The following ARID1B variants were observed in gnomAD, a reference collection of about 807,000 sequenced individuals.
ARID1B encodes the protein AT-rich interaction domain 1B.
ARID1B carries 30 observed loss-of-function variants against 212.3 expected under a neutral mutation model. The ratio of observed to expected loss-of-function variants is 0.14; its 90% CI spans 0.11 to 0.19. ARID1B has a LOEUF of 0.19. ARID1B is among the 10% of genes least tolerant of loss of function. The probability of loss-of-function intolerance (pLI) is 1.00; values close to 1 mark genes in which losing one functional copy is unlikely to be tolerated. For synonymous variants in ARID1B, 1,402 were observed against 1,301.7 expected (o/e 1.08, Z -1.66); for missense variants, 2,891 against 3,204.0 (o/e 0.90, Z 2.36).
intron 5 of ARID1B, among the ~76,000 whole-genome samples, chr6:157,086,430 G>A (rs752960204): frequency 6.6e-6 from 1 of 152,146 alleles, no homozygotes; most frequent in Non-Finnish European, 1.5e-5. Context: ...TGTTGAGATG[G>A]TTTGTGAGAT....
Position 156,778,066 on chromosome 6 carries a change from C to A in ARID1B, c.386C>A (p.Ala129Glu). 1 of 1,538,758 alleles carries A rather than the reference C, an allele frequency of 6.5e-7. No individual in the cohort carries two copies. Reference protein sequence around the residue: ...SSSSSSAAAAAASSSSSSGPG... With the variant: ...SSSSSSAAAAEASSSSSSGPG... ...TCCTCCTCCTCCGCGGCGGCAGCGGCGGCATCCTCTTCCTCCTCGTCGGGC... is the reference window on the plus strand; with the variant it reads ...TCCTCCTCCTCCGCGGCGGCAGCGGAGGCATCCTCTTCCTCCTCGTCGGGC... The change falls in exon 1 of 20, where the codon GCG (alanine) becomes GAG (glutamate). Residue 129 changes from alanine to glutamate, a missense_variant. Ala to Glu is a moderately radical substitution (Grantham distance 107). Coordinates refer to ENST00000636930, the MANE Select transcript of ARID1B (RefSeq NM_001374828.1).
chr6:156,982,028 T>C (rs56705279), intron 4 of ARID1B, among the ~76,000 whole-genome samples: 5,626 of 148,906 alleles, frequency 0.038, 337 homozygotes, highest in African/African-American at 0.13. Context: ...GGATGTCTCT[T>C]TTTTTTTTTT....
intron 5 of ARID1B, among the ~76,000 whole-genome samples, chr6:157,085,723 G>A (rs1197926232): frequency 1.3e-5 from 2 of 151,274 alleles, no homozygotes; most frequent in African/African-American, 4.9e-5. Context: ...AAAGTGTATT[G>A]TGGAATGTTT....
Position 157,090,711 on chromosome 6 carries a change from C to T in ARID1B, c.2491+5806C>T, listed in dbSNP as rs1004310413. Among the ~76,000 whole-genome samples, 3 of 152,262 alleles carry T rather than the reference C, an allele frequency of 2.0e-5. No individual in the cohort carries two copies. In the East Asian group the frequency reaches 5.8e-4, roughly 29 times the overall value. The stretch of plus-strand genomic sequence containing the variant: ...GCTGTTTGAGGCGCTCACCTGCCAC[C>T]TGGCCTCTCGGCAGACTACCTGCTG... On this transcript the variant is annotated intron_variant, in intron 5 of 19. Transcript: ENST00000636930.
intron 1 of ARID1B, among the ~76,000 whole-genome samples, chr6:156,811,244 C>T (rs560755270): frequency 1.3e-3 from 191 of 152,252 alleles, no homozygotes; most frequent in African/African-American, 4.2e-3. Context: ...TTAATTATAT[C>T]GGCAAAGTCT....
chr6:156,804,072 A>T (rs1427953457), intron 1 of ARID1B, among the ~76,000 whole-genome samples: 2 of 151,978 alleles, frequency 1.3e-5, no homozygotes, highest in African/African-American at 2.4e-5. Flanking sequence ...ATGGTGGCTC[A>T]CTCCTGTAAT....
At chr6:157,008,557 A>G (rs1224706306) in intron 4 of ARID1B, among the ~76,000 whole-genome samples, 1 of 152,166 alleles carries the variant, frequency 6.6e-6, no homozygotes, top group Non-Finnish European at 1.5e-5. Context: ...TAACTCAGAC[A>G]TCATTCTCTG....
chr6:157,196,980 G>C (rs1793772760), intron 16 of ARID1B, among the ~76,000 whole-genome samples: 1 of 152,198 alleles, frequency 6.6e-6, no homozygotes, highest in African/African-American at 2.4e-5. Context: ...AGAGTGATTT[G>C]TAACTAGATA....
intron 7 of ARID1B, among the ~76,000 whole-genome samples, chr6:157,140,052 T>TA (rs1307406463): frequency 6.6e-6 from 1 of 152,146 alleles, no homozygotes; most frequent in East Asian, 1.9e-4. Context: ...TGTCAGTGCT[T>TA]ACCTTTTATA....
chr6:157,089,368 T>G (rs1316173650), intron 5 of ARID1B, among the ~76,000 whole-genome samples: 2 of 152,144 alleles, frequency 1.3e-5, no homozygotes, highest in Non-Finnish European at 2.9e-5. Flanking sequence ...CCTCCTATCT[T>G]GCTGCATCAC....
intron 7 of ARID1B, among the ~76,000 whole-genome samples, chr6:157,139,905 G>C (rs901634778): frequency 6.6e-6 from 1 of 151,512 alleles, no homozygotes; most frequent in Non-Finnish European, 1.5e-5. Context: ...CATATTTTTA[G>C]TAGAGGCAGG....
intron 3 of ARID1B, among the ~76,000 whole-genome samples, chr6:156,932,145 A>AAGGGGGGGGG (rs796243149): frequency 1.6e-5 from 1 of 61,350 alleles, no homozygotes; most frequent in African/African-American, 6.4e-5. Context: ...AAAAAAAAAA[A>AAGGGGGGGGG]GGGGGGGGGC....
intron 4 of ARID1B, among the ~76,000 whole-genome samples, chr6:157,080,073 G>T (rs111847256): frequency 6.6e-6 from 1 of 152,106 alleles, no homozygotes; most frequent in African/African-American, 2.4e-5. Flanking sequence ...TGGTCTCATT[G>T]ATTGAAATAT....
chr6:156,983,086 C>A (rs1190651213), intron 4 of ARID1B, among the ~76,000 whole-genome samples: 2 of 150,184 alleles, frequency 1.3e-5, no homozygotes, highest in Admixed American at 6.7e-5. Context: ...CAGAGTGAGA[C>A]CCTGTCTCAA....
rs138318574 is a variant in ARID1B, at chr6:157,142,396, C to T, written c.2762-6228C>T. Reference sequence around the variant, plus strand: ...ATCACAGCACTTTGGGAGGCCCGCGCGGGTATATTGTTTGAGGCCAGGTGT... The same window carrying T: ...ATCACAGCACTTTGGGAGGCCCGCGTGGGTATATTGTTTGAGGCCAGGTGT... On this transcript the variant is annotated intron_variant, in intron 7 of 19. Coordinates refer to ENST00000636930, the MANE Select transcript of ARID1B (RefSeq NM_001374828.1). Among the ~76,000 whole-genome samples, 265 of 152,202 alleles carry T rather than the reference C, an allele frequency of 1.7e-3. 1 individual carries two copies. The highest frequency in any genetic ancestry group is 0.011 in the East Asian group (59 of 5,186).
At position 157,110,555 on chromosome 6, in the gene ARID1B, G is replaced by A; in HGVS notation, c.2575G>A (p.Glu859Lys). ...CTTGAGCCAGTCACCAATGCCACAGGAAAGAGGTTCGTCTCCAGTTCATGT... is the reference window on the plus strand; with the variant it reads ...CTTGAGCCAGTCACCAATGCCACAGAAAAGAGGTTCGTCTCCAGTTCATGT... ...PALSQSPMPQ[E>K]RGFMAGTQRN... Residue 859 changes from glutamate to lysine, a missense_variant, in exon 6 of 20, where the codon GAA becomes AAA. This residue lies in a region of ARID1B where 1,643 missense variants were observed against 1,544.0 expected (regional missense o/e 1.06). Coordinates refer to ENST00000636930, the MANE Select transcript of ARID1B (RefSeq NM_001374828.1). The A allele has an allele frequency of 6.2e-7, 1 of 1,614,170 alleles. No individual in the cohort carries two copies.
chr6:157,118,587 C>A (rs1787495387), intron 6 of ARID1B, among the ~76,000 whole-genome samples: 1 of 152,234 alleles, frequency 6.6e-6, no homozygotes, highest in Non-Finnish European at 1.5e-5. Context: ...AAGAGAATAT[C>A]TAGACACCAC....
At chr6:156,867,321 G>T (rs1439105222) in intron 2 of ARID1B, among the ~76,000 whole-genome samples, 1 of 152,198 alleles carries the variant, frequency 6.6e-6, no homozygotes, top group Non-Finnish European at 1.5e-5. Context: ...GAGCTGTGTG[G>T]ATGGCAGCAA....
At chr6:156,962,947 AT>A (rs59701150) in intron 4 of ARID1B, among the ~76,000 whole-genome samples, 84,134 of 150,712 alleles carry the variant, frequency 0.56, 23,861 homozygotes, top group African/African-American at 0.67. Context: ...ACGGCCAGCT[AT>A]TTTTTTTTTA....
Sources: allele counts gnomAD v4.1 joint callset (sites outside exome capture counted in the v4.1 genomes callset), GRCh38; gene constraint gnomAD v4.1.1; regional missense constraint gnomAD v4.1.1; transcripts MANE v1.5; gene names NCBI Gene and HGNC (gene_info 2026-07-23, HGNC 2026-07-21).